Variants in TPPP observed in about 807,000 individuals in gnomAD.
TPPP encodes tubulin polymerization-promoting protein.
Under a neutral mutation model 15.5 loss-of-function variants are expected in TPPP, and 6 were observed. The observed-to-expected ratio is 0.39, with a 90% CI of 0.21 to 0.77. The LOEUF (loss-of-function observed/expected upper bound fraction) is 0.77. TPPP is among the 30% of genes least tolerant of loss of function. The pLI is 0.42. For synonymous variants in TPPP, 146 were observed against 133.9 expected (o/e 1.09, Z -0.63); for missense variants, 269 against 307.2 (o/e 0.88, Z 0.93).
At chr5:673,464 A>AG (rs1241020927) in intron 2 of TPPP, among the ~76,000 whole-genome samples, 2 of 151,044 alleles carry the variant, frequency 1.3e-5, no homozygotes, top group Non-Finnish European at 3.0e-5. Flanking sequence ...GTGAATGGGG[A>AG]GGGGGGGAGG....
chr5:698,648 G>T, the TPPP span, among the ~76,000 whole-genome samples: 1 of 151,918 alleles, frequency 6.6e-6, no homozygotes, highest in South Asian at 2.1e-4. Flanking sequence ...ACTCCCATGA[G>T]AACAGGATGG....
At chr5:671,213 T>A (rs945495011) in intron 2 of TPPP, among the ~76,000 whole-genome samples, 3 of 151,864 alleles carry the variant, frequency 2.0e-5, no homozygotes, top group Non-Finnish European at 4.4e-5. Flanking sequence ...GCTAATTAAT[T>A]TTGCGTTGCT....
chr5:675,178 T>G (rs1740369472), intron 2 of TPPP, among the ~76,000 whole-genome samples: 1 of 86,716 alleles, frequency 1.2e-5, no homozygotes, highest in African/African-American at 4.3e-5. Context: ...GAATGCAACA[T>G]GGAGGGTACG....
intron 1 of TPPP, among the ~76,000 whole-genome samples, chr5:685,488 G>A (rs945972788): frequency 1.3e-5 from 2 of 152,212 alleles, no homozygotes; most frequent in Non-Finnish European, 2.9e-5. Context: ...GACAGGGCAG[G>A]CTTTGCACAC....
At chr5:693,823 A>G, upstream of TPPP, among the ~76,000 whole-genome samples, 1 of 149,430 alleles carries the variant, frequency 6.7e-6, no homozygotes, top group African/African-American at 2.5e-5. Context: ...GACCGCGCCC[A>G]GTTCTTTAAG....
intron 1 of TPPP, chr5:692,897 G>A (rs1740930067): frequency 1.1e-6 from 1 of 938,770 alleles, no homozygotes; most frequent in Admixed American, 6.3e-5. Flanking sequence ...TGGGAATAGG[G>A]AAACGGTTCG....
At position 660,337 on chromosome 5, in the gene TPPP, T is replaced by C. The variant is rs1739536363; in HGVS notation, c.*4765A>G. ...ATTTCCTTTGTGGTTTGGCTTGGTTTAGTTTTTTAAGAGGTCGAAAGAAAG... is the reference window on the plus strand; with the variant it reads ...ATTTCCTTTGTGGTTTGGCTTGGTTCAGTTTTTTAAGAGGTCGAAAGAAAG... On this transcript the variant is annotated 3_prime_UTR_variant, in exon 4 of 4. Coordinates refer to ENST00000360578, the MANE Select transcript of TPPP (RefSeq NM_007030.3). 6.6e-6 allele frequency: 1 copy of C among 152,270 alleles called. No homozygotes were observed. 9.4% of individuals were successfully genotyped at this position (152,270 alleles called of 1,614,324 possible).
intron 2 of TPPP, among the ~76,000 whole-genome samples, chr5:671,974 C>T (rs1740239265): frequency 6.6e-6 from 1 of 152,222 alleles, no homozygotes; most frequent in South Asian, 2.1e-4. Context: ...CTGACACCTG[C>T]TTTTCTGGGA....
At position 660,535 on chromosome 5, in the gene TPPP, T is replaced by A. The variant is rs1275285813; in HGVS notation, c.*4567A>T. The A allele has an allele frequency of 1.3e-5, 2 of 152,340 alleles. No individual in the cohort carries two copies. Among genetic ancestry groups the A allele is most frequent in the Non-Finnish European group, 2.9e-5 (2 of 68,062 alleles). The allele number at this position is 152,340 out of a possible 1,614,324, so 9.4% of individuals were successfully genotyped here. Reference sequence around the variant, plus strand: ...ATAACATCACGGTCCAGCCTCATCTTCCCCCTGTGCCATCCCCTCGTGGTG... The same window carrying A: ...ATAACATCACGGTCCAGCCTCATCTACCCCCTGTGCCATCCCCTCGTGGTG... On this transcript the variant is annotated 3_prime_UTR_variant, in exon 4 of 4. Coordinates refer to ENST00000360578, the MANE Select transcript of TPPP (RefSeq NM_007030.3).
intron 1 of TPPP, among the ~76,000 whole-genome samples, chr5:683,820 G>C (rs1740692308): frequency 6.6e-6 from 1 of 152,282 alleles, no homozygotes; most frequent in Non-Finnish European, 1.5e-5. Context: ...GTGCATGCTG[G>C]GCAACCTTGG....
intron 1 of TPPP, among the ~76,000 whole-genome samples, chr5:681,669 C>T (rs930426963): frequency 1.3e-5 from 2 of 151,062 alleles, no homozygotes; most frequent in South Asian, 2.1e-4. Flanking sequence ...GAGCCCACCC[C>T]ACTCCCACCC....
intron 1 of TPPP, among the ~76,000 whole-genome samples, chr5:685,052 T>A (rs1218961692): frequency 6.6e-6 from 1 of 152,114 alleles, no homozygotes; most frequent in African/African-American, 2.4e-5. Flanking sequence ...GTCACGGTCC[T>A]GAGAGGTCAC....
At chr5:673,019 T>G (rs2126887496) in intron 2 of TPPP, among the ~76,000 whole-genome samples, 1 of 152,190 alleles carries the variant, frequency 6.6e-6, no homozygotes, top group Non-Finnish European at 1.5e-5. Context: ...TCGGTAGACT[T>G]TTTCTCCACA....
At chr5:673,499 G>GGGCTCCAGA (rs1740293692) in intron 2 of TPPP, among the ~76,000 whole-genome samples, 2 of 152,106 alleles carry the variant, frequency 1.3e-5, no homozygotes, top group Non-Finnish European at 2.9e-5. Context: ...CCTCCCCTCA[G>GGGCTCCAGA]GCCGGAGTCC....
intron 1 of TPPP, among the ~76,000 whole-genome samples, chr5:681,231 T>C (rs1740612465): frequency 1.3e-5 from 2 of 152,158 alleles, no homozygotes; most frequent in South Asian, 2.1e-4. Flanking sequence ...CCTCACACCA[T>C]TTCCCCCAGA....
intron 2 of TPPP, among the ~76,000 whole-genome samples, chr5:670,020 C>T (rs929951668): frequency 4.6e-5 from 7 of 152,320 alleles, no homozygotes; most frequent in Middle Eastern, 3.4e-3. Flanking sequence ...CCCAGCAGGA[C>T]GCAGCCGCTG....
At chr5:694,003 T>G (rs78987461), upstream of TPPP, among the ~76,000 whole-genome samples, 82,353 of 130,956 alleles carry the variant, frequency 0.63, 23,041 homozygotes, top group Non-Finnish European at 0.7. Context: ...TGCTCGGGAG[T>G]GGGCCGCCCT....
rs1389381776 is a variant in TPPP, at chr5:668,570, A to G, written c.312-2447T>C. Among the ~76,000 whole-genome samples, 2 of 152,212 alleles carry G rather than the reference A, an allele frequency of 1.3e-5. 1 individual carries two copies. ...AATCAAATAAACTGCCGGCACCTCG[A>G]GCTGAGCAGGCCGCGGGGTGGGGGC... On this transcript the variant is annotated intron_variant, in intron 2 of 3. Coordinates refer to ENST00000360578, the MANE Select transcript of TPPP (RefSeq NM_007030.3).
In TPPP at chr5:685,016, G is replaced by A. The variant is rs148934464; in HGVS notation, c.-4-6952C>T. The stretch of plus-strand genomic sequence containing the variant: ...CGGCCGGGGCCGCCCCAGGACACAC[G>A]TCCAGAGAGGTCACAGTCCTGAAAG... On this transcript the variant is annotated intron_variant, in intron 1 of 3. Transcript: ENST00000360578. 9.4e-3 allele frequency among the ~76,000 whole-genome samples: 1,434 copies of A among 152,292 alleles called. 10 individuals are homozygous for A. The highest frequency in any genetic ancestry group is 0.016 in the Non-Finnish European group (1,081 of 68,026).
Sources: gnomAD v4.1 joint callset for allele counts (sites outside exome capture counted in the v4.1 genomes callset) on GRCh38, gnomAD v4.1.1 for gene constraint, MANE v1.5 for transcripts, NCBI Gene and HGNC (gene_info 2026-07-23, HGNC 2026-07-21) for gene names.